FAM13A: variants seen among roughly 807,000 people sequenced by gnomAD.
The protein encoded by FAM13A is protein FAM13A.
In FAM13A, 76 loss-of-function variants were observed where a neutral mutation model predicts 129.6. The ratio of observed to expected loss-of-function variants is 0.59; its 90% CI spans 0.49 to 0.71. The LOEUF (loss-of-function observed/expected upper bound fraction) is 0.71, where lower values mean the gene tolerates loss of function less well. Among genes scored for constraint, FAM13A ranks in the 30% least tolerant of loss-of-function variants. The pLI, the probability that FAM13A is intolerant of heterozygous loss-of-function variation, is 0.00. For synonymous variants in FAM13A, 443 were observed against 449.9 expected (o/e 0.98, Z 0.20); for missense variants, 1,108 against 1,249.3 (o/e 0.89, Z 1.70).
At chr4:88,744,434 A>C (rs1274258536) in intron 19 of FAM13A, among the ~76,000 whole-genome samples, 1 of 152,206 alleles carries the variant, frequency 6.6e-6, no homozygotes, top group African/African-American at 2.4e-5. Context: ...GTAACTCTGC[A>C]GAGTGCCCTC....
chr4:88,747,963 C>T (rs184393114), intron 17 of FAM13A, 112 bp from the exon 18 acceptor site: 3 of 705,858 alleles, frequency 4.3e-6, no homozygotes, highest in African/African-American at 3.6e-5. Flanking sequence ...GATCTCGGCT[C>T]ACTGCAAGCT....
intron 4 of FAM13A, among the ~76,000 whole-genome samples, chr4:88,972,663 A>C (rs903171875): frequency 1.3e-4 from 20 of 151,842 alleles, no homozygotes; most frequent in Non-Finnish European, 2.6e-4. Context: ...GCTGGAGTGC[A>C]GTGGTGTGAT....
At chr4:88,806,474 T>C (rs1487018555) in intron 7 of FAM13A, among the ~76,000 whole-genome samples, 2 of 152,208 alleles carry the variant, frequency 1.3e-5, no homozygotes, top group Admixed American at 1.3e-4. Context: ...TACAGAGTTA[T>C]ACTGTAAAAC....
intron 7 of FAM13A, among the ~76,000 whole-genome samples, chr4:88,834,720 T>C (rs181201396): frequency 4.4e-4 from 67 of 152,306 alleles, no homozygotes; most frequent in African/African-American, 1.4e-3. Context: ...CAACTGTAAA[T>C]ACCTCTGGAA....
chr4:88,859,223 G>A (rs188917119), intron 6 of FAM13A, among the ~76,000 whole-genome samples: 99 of 152,108 alleles, frequency 6.5e-4, no homozygotes, highest in Non-Finnish European at 1.3e-3. Flanking sequence ...CAAATAAGAT[G>A]GAAAACATTA....
At chr4:88,943,178 AC>A (rs1755074321) in intron 4 of FAM13A, among the ~76,000 whole-genome samples, 3 of 152,208 alleles carry the variant, frequency 2.0e-5, no homozygotes, top group Admixed American at 2.0e-4. Flanking sequence ...TTTATTTTTG[AC>A]AAACTTCCCA....
At chr4:88,806,226 A>G (rs1318192463) in intron 7 of FAM13A, among the ~76,000 whole-genome samples, 2 of 152,200 alleles carry the variant, frequency 1.3e-5, no homozygotes, top group South Asian at 4.1e-4. Flanking sequence ...GTAGAAAGAT[A>G]AAGTATTAAA....
At chr4:89,035,473 A>T (rs774094182) in intron 1 of FAM13A, among the ~76,000 whole-genome samples, 20 of 151,408 alleles carry the variant, frequency 1.3e-4, no homozygotes, top group Middle Eastern at 6.8e-3. Context: ...AAGAAAAGAA[A>T]AGAAAGGAAG....
At chr4:88,930,346 G>C (rs1011916392) in intron 5 of FAM13A, among the ~76,000 whole-genome samples, 2 of 152,036 alleles carry the variant, frequency 1.3e-5, no homozygotes, top group Non-Finnish European at 2.9e-5. Flanking sequence ...GCTTTTGTAG[G>C]GGAGAATTTT....
chr4:88,763,294 TTCA>T (rs1396622772), intron 13 of FAM13A, among the ~76,000 whole-genome samples: 2 of 152,168 alleles, frequency 1.3e-5, no homozygotes, highest in East Asian at 3.8e-4. Flanking sequence ...CATTCATTCA[TTCA>T]TTCATTCATT....
intron 11 of FAM13A, among the ~76,000 whole-genome samples, chr4:88,770,580 A>G (rs1720477380): frequency 6.6e-6 from 1 of 152,202 alleles, no homozygotes; most frequent in Admixed American, 6.5e-5. Context: ...GAAATAAAAT[A>G]AAAAAGAAAT....
At position 88,800,865 on chromosome 4, in the gene FAM13A, T is replaced by C. The variant is rs1727318059; in HGVS notation, c.1049+4146A>G. ...TAAACAGCTTGCTTGTTTGTTCCAC[T>C]TCTTAGTAGCCTAAAACAGGGTTTT... On this transcript the variant is annotated intron_variant, in intron 8 of 23. Coordinates refer to ENST00000264344, the MANE Select transcript of FAM13A (RefSeq NM_014883.4). 2.6e-5 allele frequency among the ~76,000 whole-genome samples: 4 copies of C among 152,216 alleles called. No homozygotes were observed. The South Asian group carries it at 8.3e-4, about 32-fold the overall frequency.
intron 4 of FAM13A, among the ~76,000 whole-genome samples, chr4:88,981,809 T>A (rs1254445695): frequency 2.6e-5 from 4 of 151,960 alleles, no homozygotes; most frequent in Non-Finnish European, 5.9e-5. Flanking sequence ...GGAGAAGCCA[T>A]GGGATGAAGA....
chr4:88,824,205 C>G (rs1732592386), intron 7 of FAM13A, among the ~76,000 whole-genome samples: 1 of 152,096 alleles, frequency 6.6e-6, no homozygotes, highest in Non-Finnish European at 1.5e-5. Flanking sequence ...TTTTTCACAT[C>G]ATGAGTTGTA....
intron 3 of FAM13A, among the ~76,000 whole-genome samples, chr4:88,996,547 T>C (rs1206532275): frequency 6.6e-6 from 1 of 152,192 alleles, no homozygotes; most frequent in African/African-American, 2.4e-5. Flanking sequence ...TCTAAGCATT[T>C]GAGATAAATC....
chr4:88,994,558 G>A (rs148691687), intron 3 of FAM13A, among the ~76,000 whole-genome samples: 1 of 152,276 alleles, frequency 6.6e-6, no homozygotes, highest in East Asian at 1.9e-4. Context: ...CATAATAATT[G>A]GCAGGGTGTG....
intron 5 of FAM13A, among the ~76,000 whole-genome samples, chr4:88,917,401 C>G (rs1030325733): frequency 6.6e-6 from 1 of 152,078 alleles, no homozygotes; most frequent in Admixed American, 6.6e-5. Context: ...CCAAACACCC[C>G]CCATTAGGTC....
In FAM13A at chr4:89,008,249, A is replaced by G. The variant is rs554988642; in HGVS notation, c.427+12211T>C. Among the ~76,000 whole-genome samples the G allele has an allele frequency of 2.6e-5, 4 of 152,300 alleles. No individual in the cohort carries two copies. The East Asian group carries it at 5.8e-4, about 22-fold the overall frequency. On this transcript the variant is annotated intron_variant, in intron 3 of 23. Coordinates refer to ENST00000264344, the MANE Select transcript of FAM13A (RefSeq NM_014883.4). ...TCACAGATTGACGCCCTAGCCCCCA[A>G]TGTGCCCACAGTGGAAGACAGCACC...
intron 3 of FAM13A, among the ~76,000 whole-genome samples, chr4:89,009,979 G>C (rs1263363568): frequency 6.6e-6 from 1 of 152,178 alleles, no homozygotes; most frequent in East Asian, 1.9e-4. Context: ...GAGTCCTCTG[G>C]TGAGAACTGG....
Sources: gnomAD v4.1 joint callset for allele counts (sites outside exome capture counted in the v4.1 genomes callset) on GRCh38, gnomAD v4.1.1 for gene constraint, MANE v1.5 for transcripts, NCBI Gene and HGNC (gene_info 2026-07-23, HGNC 2026-07-21) for gene names.